The following TMEM138 variants were observed in gnomAD, a reference collection of about 807,000 sequenced individuals.
TMEM138 encodes the protein transmembrane protein 138.
Under a neutral mutation model 18.1 loss-of-function variants are expected in TMEM138, and 9 were observed. That is an observed-to-expected ratio of 0.50 (90% CI 0.30 to 0.87). The LOEUF (loss-of-function observed/expected upper bound fraction) is 0.87. TMEM138 is among the 40% of genes least tolerant of loss of function. The pLI is 0.06. For missense variants in TMEM138, 189 were observed against 190.6 expected (o/e 0.99, Z 0.05); for synonymous variants, 79 against 74.8 (o/e 1.06, Z -0.29).
intron 3 of TMEM138, chr11:61,366,468 TTTC>T (rs1289376963): frequency 4.8e-5 from 19 of 398,226 alleles, no homozygotes; most frequent in Non-Finnish European, 8.0e-5. Context: ...TTTCTTTTCT[TTTC>T]TTTTTTTTTT....
At chr11:61,370,490 T>C (rs1358748315), downstream of TMEM138, among the ~76,000 whole-genome samples, 1 of 152,098 alleles carries the variant, frequency 6.6e-6, no homozygotes, top group Non-Finnish European at 1.5e-5. Context: ...GGTTTTGTGG[T>C]CAGTGGGGAT....
chr11:61,364,245 C>G lies in TMEM138; in HGVS notation c.-139-7C>G, dbSNP rs951320978. On this transcript the variant is annotated splice_polypyrimidine_tract_variant and splice_region_variant and intron_variant, in intron 1 of 4. Transcript: ENST00000278826. ...TTCTAACCTTGCTTATCTTTTTGCT[C>G]CAACAGGTGCTTGCCTTAGAGCAAG... The G allele has an allele frequency of 3.2e-6, 3 of 928,246 alleles. No individual in the cohort carries two copies. The East Asian group carries it at 7.4e-5, about 23-fold the overall frequency. 57.5% of individuals were successfully genotyped at this position (928,246 alleles called of 1,614,324 possible).
chr11:61,368,536 C>T lies in TMEM138; in HGVS notation c.377-61C>T, dbSNP rs1590629559. On this transcript the variant is annotated intron_variant, in intron 4 of 4. Coordinates refer to ENST00000278826, the MANE Select transcript of TMEM138 (RefSeq NM_016464.5). ...CCACCACGCCTGGCCAGGTTCTGTTCTTAACCTGAAATGATACTCAGGAGC... is the reference window on the plus strand; with the variant it reads ...CCACCACGCCTGGCCAGGTTCTGTTTTTAACCTGAAATGATACTCAGGAGC... 5 of 1,246,692 alleles carry T rather than the reference C, an allele frequency of 4.0e-6. No individual in the cohort carries two copies. In the East Asian group the frequency reaches 9.4e-5, roughly 23 times the overall value. The allele number at this position is 1,246,692 out of a possible 1,614,324, so 77.2% of individuals were successfully genotyped here. A position where few individuals can be genotyped will look rare whatever the true frequency, so the allele number is the denominator to read the frequency against.
downstream of TMEM138, among the ~76,000 whole-genome samples, chr11:61,376,467 G>A (rs1265094859): frequency 6.6e-6 from 1 of 152,138 alleles, no homozygotes; most frequent in Non-Finnish European, 1.5e-5. Flanking sequence ...CTACAGTTTG[G>A]ACCGAATTCT....
chr11:61,367,020 T>G (rs771322401), intron 3 of TMEM138: 14 of 152,238 alleles, frequency 9.2e-5, no homozygotes, highest in Non-Finnish European at 1.6e-4. Flanking sequence ...ATGTGTCTCA[T>G]CATTAGCTAT....
chr11:61,370,399 G>C (rs1462440612), downstream of TMEM138, among the ~76,000 whole-genome samples: 1 of 152,214 alleles, frequency 6.6e-6, no homozygotes, highest in Non-Finnish European at 1.5e-5. Context: ...TGAGAGCACA[G>C]AAGATGAATA....
downstream of TMEM138, among the ~76,000 whole-genome samples, chr11:61,374,198 A>C (rs1193008165): frequency 1.4e-5 from 2 of 140,958 alleles, no homozygotes; most frequent in Non-Finnish European, 3.0e-5. Flanking sequence ...CCTAGGCTGA[A>C]GTACATTGGC....
chr11:61,368,594 C>T lies in TMEM138; in HGVS notation c.377-3C>T, dbSNP rs774110963. ...AGGCTTCTCTTCTGCTTCCTCCCCA[C>T]AGCAGCAGTGTTGTACTGCTACTTC... On this transcript the variant is annotated splice_polypyrimidine_tract_variant and splice_region_variant and intron_variant, in intron 4 of 4. Coordinates refer to ENST00000278826, the MANE Select transcript of TMEM138 (RefSeq NM_016464.5). 4.6e-5 allele frequency: 74 copies of T among 1,597,438 alleles called. No homozygotes were observed. Among genetic ancestry groups the T allele is most frequent in the Non-Finnish European group, 6.2e-5 (72 of 1,165,476 alleles).
chr11:61,366,424 C>T (rs1858155889), intron 3 of TMEM138: 1 of 504,616 alleles, frequency 2.0e-6, no homozygotes, highest in East Asian at 3.4e-5. Context: ...ACTCTGAATT[C>T]CTGAATCGCT....
intron 4 of TMEM138, 100 bp from the exon 5 acceptor site, chr11:61,368,497 A>G (rs918970009): frequency 6.8e-6 from 5 of 738,942 alleles, no homozygotes; most frequent in Admixed American, 4.2e-5. Context: ...AAGTGCTGGG[A>G]TTACAGGCGT....
intron 2 of TMEM138, chr11:61,364,827 C>A: frequency 5.2e-6 from 1 of 191,900 alleles, no homozygotes; most frequent in Non-Finnish European, 1.1e-5. Flanking sequence ...CCCAGGAGTT[C>A]AAGGCTACAG....
chr11:61,366,276 A>T, intron 3 of TMEM138, 60 bp downstream of exon 3: 1 of 1,552,384 alleles, frequency 6.4e-7, no homozygotes, highest in South Asian at 1.2e-5. Context: ...GTGGGGTCTT[A>T]CTTTGTTACC....
At chr11:61,369,526 G>A (rs1042623875), downstream of TMEM138, 1 of 152,180 alleles carries the variant, frequency 6.6e-6, no homozygotes, top group Non-Finnish European at 1.5e-5. Context: ...AAATTCTTAT[G>A]TCCGTAGTAT....
downstream of TMEM138, among the ~76,000 whole-genome samples, chr11:61,369,749 T>C (rs1331716214): frequency 6.6e-6 from 1 of 152,186 alleles, no homozygotes; most frequent in Non-Finnish European, 1.5e-5. Context: ...CTAGCCTTCA[T>C]TGACCTCAGC....
At chr11:61,367,416 G>A (rs370747552) in intron 3 of TMEM138, 1 of 152,834 alleles carries the variant, frequency 6.5e-6, no homozygotes, top group Non-Finnish European at 1.5e-5. Context: ...GGTTGTGCTT[G>A]TGATTCCACA....
chr11:61,376,158 G>A (rs1050035904), downstream of TMEM138, among the ~76,000 whole-genome samples: 2 of 152,152 alleles, frequency 1.3e-5, no homozygotes, highest in African/African-American at 4.8e-5. Context: ...ACACCAGCCT[G>A]GCCAACATGG....
At chr11:61,372,879 C>CT (rs879429903), downstream of TMEM138, among the ~76,000 whole-genome samples, 26 of 145,662 alleles carry the variant, frequency 1.8e-4, no homozygotes, top group Admixed American at 4.1e-4. Flanking sequence ...AGAGAATTTA[C>CT]TTTTTTTTTT....
At chr11:61,372,220 G>C (rs1370254447), downstream of TMEM138, among the ~76,000 whole-genome samples, 1 of 151,068 alleles carries the variant, frequency 6.6e-6, no homozygotes, top group African/African-American at 2.4e-5. Context: ...AAGAATTGAA[G>C]TATTCAATTC....
At chr11:61,367,349 G>C (rs1367363851) in intron 3 of TMEM138, 1 of 150,726 alleles carries the variant, frequency 6.6e-6, no homozygotes, top group East Asian at 1.9e-4. Context: ...AAAACCTCAG[G>C]GTTCTCTAGT....
Sources: gnomAD v4.1 joint callset for allele counts (sites outside exome capture counted in the v4.1 genomes callset) on GRCh38, gnomAD v4.1.1 for gene constraint, MANE v1.5 for transcripts, NCBI Gene and HGNC (gene_info 2026-07-23, HGNC 2026-07-21) for gene names.